Variants in LAP3 observed in about 807,000 individuals in gnomAD.
LAP3 encodes the protein cytosol aminopeptidase.
LAP3 carries 46 observed loss-of-function variants against 58.8 expected under a neutral mutation model. The observed-to-expected ratio is 0.78, with a 90% CI of 0.62 to 1.00. The LOEUF (loss-of-function observed/expected upper bound fraction) is 1.00, where lower values mean the gene tolerates loss of function less well. Among genes scored for constraint, LAP3 ranks in the 50% least tolerant of loss-of-function variants. The probability of loss-of-function intolerance (pLI) is 0.00; values close to 1 mark genes in which losing one functional copy is unlikely to be tolerated. For synonymous variants in LAP3, 257 were observed against 237.7 expected (o/e 1.08, Z -0.75); for missense variants, 615 against 659.1 (o/e 0.93, Z 0.73).
chr4:17,595,526 ATAT>A lies in LAP3; in HGVS notation c.984_986del (p.Ile329del), dbSNP rs1378077918. 1.9e-6 allele frequency: 3 copies of A among 1,613,858 alleles called. No individual in the cohort carries two copies. The highest frequency in any genetic ancestry group is 2.5e-6 in the Non-Finnish European group (3 of 1,179,872). On this transcript the variant is annotated inframe_deletion, in exon 8 of 13. Transcript: ENST00000226299. ...GCTGCAAAGCTTAATTTGCCCATTA[ATAT>A]TATAGGTAAGTGGGGTAACGGATTA... is the stretch of plus-strand genomic sequence containing the variant.
At chr4:17,580,305 C>G (rs1177287638) in intron 2 of LAP3, among the ~76,000 whole-genome samples, 2 of 146,408 alleles carry the variant, frequency 1.4e-5, no homozygotes, top group African/African-American at 5.1e-5. Context: ...CAGGTGTGAG[C>G]CACTGTGCCA....
intron 7 of LAP3, among the ~76,000 whole-genome samples, chr4:17,591,890 C>G (rs1017164415): frequency 3.3e-5 from 5 of 152,114 alleles, no homozygotes; most frequent in Non-Finnish European, 7.4e-5. Context: ...TTCCACCAAA[C>G]AGAATGACGT....
rs531504292 is a variant in LAP3, at chr4:17,595,418, T to A, written c.872T>A (p.Ile291Asn). The A allele has an allele frequency of 1.9e-6, 3 of 1,613,872 alleles. No homozygotes were observed. Among genetic ancestry groups the A allele is most frequent in the Non-Finnish European group, 2.5e-6 (3 of 1,179,902 alleles). The change falls in exon 8 of 13, where the codon ATC (isoleucine) becomes AAC (asparagine). Residue 291 changes from isoleucine (I) to asparagine (N), a missense_variant. By Grantham distance (149) the Ile-to-Asn change is moderately radical (BLOSUM62 -3). Coordinates refer to ENST00000226299, the MANE Select transcript of LAP3 (RefSeq NM_015907.3). ...GKGITFDSGGISIKASANMDL... is the reference protein window; with the variant it reads ...GKGITFDSGGNSIKASANMDL... ...TGTCCATTTCCCCATAGTGGTGGTA[T>A]CTCCATCAAGGCTTCTGCAAATATG...
At chr4:17,578,718 C>T (rs1040145855) in intron 1 of LAP3, among the ~76,000 whole-genome samples, 1 of 152,144 alleles carries the variant, frequency 6.6e-6, no homozygotes, top group Admixed American at 6.5e-5. Flanking sequence ...GGTTTGCTTC[C>T]TCATTTCTGG....
chr4:17,581,844 C>A (rs767948561), intron 3 of LAP3, 30 bp downstream of exon 3: 6 of 1,577,950 alleles, frequency 3.8e-6, no homozygotes, highest in South Asian at 2.2e-5. Flanking sequence ...ATTTGGTAAA[C>A]CCTCAATGAG....
intron 7 of LAP3, 86 bp downstream of exon 7, chr4:17,589,063 ATT>A (rs35467396): frequency 0.064 from 66,788 of 1,047,358 alleles, 3 homozygotes; most frequent in East Asian, 0.13. Context: ...TTTTGGTTTG[ATT>A]TTTTTTTTTT....
Position 17,584,871 on chromosome 4 carries a change from T to G in LAP3, c.540-101T>G, listed in dbSNP as rs914002234. On this transcript the variant is annotated intron_variant, in intron 5 of 12. Coordinates refer to ENST00000226299, the MANE Select transcript of LAP3 (RefSeq NM_015907.3). Reference sequence around the variant, plus strand: ...TGCCAATTGTTTTTGATTTGTAGTCTTCCTCTTTTGTTTTCTGTAAGGTAA... The same window carrying G: ...TGCCAATTGTTTTTGATTTGTAGTCGTCCTCTTTTGTTTTCTGTAAGGTAA... 3 of 1,164,710 alleles carry G rather than the reference T, an allele frequency of 2.6e-6. No homozygotes were observed. The African/African-American group carries it at 4.7e-5, about 18-fold the overall frequency. 72.1% of individuals were successfully genotyped at this position (1,164,710 alleles called of 1,614,324 possible). A position where few individuals can be genotyped will look rare whatever the true frequency, so the allele number is the denominator to read the frequency against.
In LAP3 at chr4:17,585,109, C is replaced by G; in HGVS notation, c.677C>G (p.Ala226Gly). 6.2e-7 allele frequency: 1 copy of G among 1,613,672 alleles called. No individual in the cohort carries two copies. The highest frequency in any genetic ancestry group is 1.1e-5 in the South Asian group (1 of 91,062). The change falls in exon 6 of 13, where the codon GCT becomes GGT. Residue 226 changes from alanine (A) to glycine (G), a missense_variant. By Grantham distance (60) the Ala-to-Gly change is moderately conservative. Transcript: ENST00000226299. Reference sequence around the variant, plus strand: ...ATTATTGAGAAGAATCTCAAAAGTGCTAGTAGTAAAACCGAGGTCCATATC... The same window carrying G: ...ATTATTGAGAAGAATCTCAAAAGTGGTAGTAGTAAAACCGAGGTCCATATC... ...AEIIEKNLKS[A>G]SSKTEVHIRP...
At chr4:17,594,112 T>G (rs1413145702) in intron 7 of LAP3, among the ~76,000 whole-genome samples, 1 of 151,806 alleles carries the variant, frequency 6.6e-6, no homozygotes, top group Non-Finnish European at 1.5e-5. Flanking sequence ...GAGTAGAAAA[T>G]AAGTGGGTGG....
Position 17,604,503 on chromosome 4 carries a change from A to G in LAP3, c.1181-85A>G, listed in dbSNP as rs182170511. 835 of 856,684 alleles carry G rather than the reference A, an allele frequency of 9.7e-4. 2 individuals are homozygous for G. Among genetic ancestry groups the G allele is most frequent in the Non-Finnish European group, 1.5e-3 (725 of 498,210 alleles). 53.1% of individuals were successfully genotyped at this position (856,684 alleles called of 1,614,324 possible). A position where few individuals can be genotyped will look rare whatever the true frequency, so the allele number is the denominator to read the frequency against. On this transcript the variant is annotated intron_variant, in intron 10 of 12. Transcript: ENST00000226299. ...AAATGAGGAAGCCATTAAATAGGGTACATGCTAAGGTTTCCATCTGGGTGG... is the reference window on the plus strand; with the variant it reads ...AAATGAGGAAGCCATTAAATAGGGTGCATGCTAAGGTTTCCATCTGGGTGG...
intron 10 of LAP3, among the ~76,000 whole-genome samples, chr4:17,599,323 G>C (rs1713931400): frequency 1.3e-5 from 2 of 152,142 alleles, no homozygotes; most frequent in Non-Finnish European, 2.9e-5. Flanking sequence ...TGGATTATGA[G>C]GTCAGGAGAT....
chr4:17,579,006 A>G (rs1713282624), intron 1 of LAP3, among the ~76,000 whole-genome samples: 2 of 152,230 alleles, frequency 1.3e-5, no homozygotes, highest in Admixed American at 6.5e-5. Context: ...GAAAACTGAC[A>G]TAAGATGTAT....
At position 17,577,270 on chromosome 4, in the gene LAP3, C is replaced by A. The variant is rs770533192; in HGVS notation, c.-196C>A. ...CGCACCCTTGAGTCCCCTCCACAAC[C>A]GCGGTTTGATCCCAGCGGTCCAGTC... On this transcript the variant is annotated 5_prime_UTR_variant, in exon 1 of 13. Coordinates refer to ENST00000226299, the MANE Select transcript of LAP3 (RefSeq NM_015907.3). 3.4e-5 allele frequency: 3 copies of A among 89,096 alleles called. No homozygotes were observed. Among genetic ancestry groups the A allele is most frequent in the Non-Finnish European group, 6.1e-5 (3 of 49,580 alleles). 5.5% of individuals were successfully genotyped at this position (89,096 alleles called of 1,614,324 possible). A position where few individuals can be genotyped will look rare whatever the true frequency, so the allele number is the denominator to read the frequency against.
intron 6 of LAP3, among the ~76,000 whole-genome samples, chr4:17,586,753 T>A (rs1004681355): frequency 6.6e-6 from 1 of 152,090 alleles, no homozygotes; most frequent in Non-Finnish European, 1.5e-5. Context: ...GTCCAGAAGT[T>A]CAAGGCCAGC....
At chr4:17,581,917 A>T in intron 3 of LAP3, 103 bp downstream of exon 3, 1 of 959,408 alleles carries the variant, frequency 1.0e-6, no homozygotes. Flanking sequence ...GTTGGATTGT[A>T]TGATTTTATT....
chr4:17,579,778 G>A, intron 1 of LAP3, 46 bp from the exon 2 acceptor site: 2 of 1,075,250 alleles, frequency 1.9e-6, no homozygotes, highest in Non-Finnish European at 2.8e-6. Flanking sequence ...CTCTCTAAGG[G>A]ATCTACTCTA....
intron 2 of LAP3, among the ~76,000 whole-genome samples, chr4:17,580,528 C>A (rs1288772457): frequency 2.6e-5 from 4 of 151,904 alleles, no homozygotes; most frequent in African/African-American, 9.7e-5. Flanking sequence ...CTGGAAAGTA[C>A]CAGATTTCCT....
At position 17,588,783 on chromosome 4, in the gene LAP3, C is replaced by G. The variant is rs768507200; in HGVS notation, c.705-36C>G. The stretch of plus-strand genomic sequence containing the variant: ...TTCTGTTATTTTGAAATAAAGGTAA[C>G]AGTATATTTACTTTTTCCCTCTTTC... On this transcript the variant is annotated intron_variant, in intron 6 of 12. Coordinates refer to ENST00000226299, the MANE Select transcript of LAP3 (RefSeq NM_015907.3). The G allele has an allele frequency of 7.1e-6, 11 of 1,559,508 alleles. 1 individual carries two copies. The South Asian group carries it at 1.0e-4, about 15-fold the overall frequency.
intron 6 of LAP3, among the ~76,000 whole-genome samples, chr4:17,586,565 C>G (rs1286131402): frequency 6.6e-6 from 1 of 152,148 alleles, no homozygotes; most frequent in Non-Finnish European, 1.5e-5. Flanking sequence ...TGAAGTGGTC[C>G]TTGTCCTTGC....
Sources: allele counts gnomAD v4.1 joint callset (sites outside exome capture counted in the v4.1 genomes callset), GRCh38; gene constraint gnomAD v4.1.1; transcripts MANE v1.5; gene names NCBI Gene and HGNC (gene_info 2026-07-23, HGNC 2026-07-21).